Variants in SEMA3D observed in about 807,000 individuals in gnomAD.
The protein encoded by SEMA3D is semaphorin 3D.
In SEMA3D, 84 loss-of-function variants were observed where a neutral mutation model predicts 100.1. The ratio of observed to expected loss-of-function variants is 0.84; its 90% confidence interval spans 0.70 to 1.01. The LOEUF (loss-of-function observed/expected upper bound fraction) is 1.01. Among genes scored for constraint, SEMA3D ranks in the 50% least tolerant of loss-of-function variants. The pLI, the probability that SEMA3D is intolerant of heterozygous loss-of-function variation, is 0.00. For synonymous variants in SEMA3D, 312 were observed against 320.7 expected (o/e 0.97, Z 0.29); for missense variants, 875 against 934.1 (o/e 0.94, Z 0.82).
chr7:85,151,615 G>C, intron 2 of SEMA3D: 1 of 973,322 alleles, frequency 1.0e-6, no homozygotes, highest in Non-Finnish European at 1.2e-6. Flanking sequence ...GTGTGTGTGT[G>C]TGTGTGTGTG....
chr7:85,091,089 AGAGAGAGG>A (rs959317798), intron 4 of SEMA3D, among the ~76,000 whole-genome samples: 8 of 139,402 alleles, frequency 5.7e-5, no homozygotes, highest in African/African-American at 1.7e-4. Flanking sequence ...AGAGAGAGAA[AGAGAGAGG>A]GAGAGAGGGA....
the SEMA3D span, among the ~76,000 whole-genome samples, chr7:85,216,443 C>T: frequency 6.6e-6 from 1 of 151,568 alleles, no homozygotes; most frequent in Non-Finnish European, 1.5e-5. Flanking sequence ...AAATTTCCCA[C>T]TTTACTACAC....
chr7:85,206,978 A>G, the SEMA3D span, among the ~76,000 whole-genome samples: 1 of 152,224 alleles, frequency 6.6e-6, no homozygotes, highest in African/African-American at 2.4e-5. Flanking sequence ...AGATTTAATA[A>G]GGAATTTGAT....
chr7:85,249,864 G>A, the SEMA3D span, among the ~76,000 whole-genome samples: 9 of 152,164 alleles, frequency 5.9e-5, no homozygotes, highest in African/African-American at 1.9e-4. Context: ...TGAGGGAGGA[G>A]CCAAGATGGC....
At chr7:85,229,237 A>C in the SEMA3D span, among the ~76,000 whole-genome samples, 1 of 152,068 alleles carries the variant, frequency 6.6e-6, no homozygotes, top group Admixed American at 6.5e-5. Flanking sequence ...ACTTCAAAAA[A>C]TTATGAGACA....
intron 4 of SEMA3D, among the ~76,000 whole-genome samples, chr7:85,093,321 A>G (rs1788454144): frequency 6.6e-6 from 1 of 151,952 alleles, no homozygotes; most frequent in African/African-American, 2.4e-5. Flanking sequence ...ATTTCTGGCC[A>G]ACGAGATGAA....
chr7:85,136,101 T>C (rs774515562), intron 2 of SEMA3D, among the ~76,000 whole-genome samples: 2 of 152,088 alleles, frequency 1.3e-5, no homozygotes, highest in African/African-American at 2.4e-5. Context: ...TGTAGAGATG[T>C]AGAGATTATT....
At chr7:85,151,994 T>C (rs184912410) in intron 2 of SEMA3D, among the ~76,000 whole-genome samples, 3 of 152,186 alleles carry the variant, frequency 2.0e-5, no homozygotes, top group East Asian at 3.9e-4. Context: ...CTTGACTGAA[T>C]ATATGAAAAA....
At chr7:85,168,985 A>T (rs1042439914) in intron 1 of SEMA3D, among the ~76,000 whole-genome samples, 3 of 151,676 alleles carry the variant, frequency 2.0e-5, no homozygotes, top group African/African-American at 7.2e-5. Flanking sequence ...TAAGAAATTT[A>T]GACAATATCT....
intron 3 of SEMA3D, among the ~76,000 whole-genome samples, chr7:85,100,343 C>T (rs565449219): frequency 1.4e-5 from 2 of 146,906 alleles, no homozygotes; most frequent in Non-Finnish European, 3.0e-5. Context: ...CTCTTTAGGT[C>T]CCAATTCTTT....
At chr7:85,057,957 T>G (rs2116095968) in intron 8 of SEMA3D, among the ~76,000 whole-genome samples, 1 of 152,164 alleles carries the variant, frequency 6.6e-6, no homozygotes, top group South Asian at 2.1e-4. Context: ...AATAAAAAGT[T>G]AACGTTGGAT....
At chr7:85,066,903 C>CACACACACAT (rs1791637715) in intron 7 of SEMA3D, among the ~76,000 whole-genome samples, 1 of 112,514 alleles carries the variant, frequency 8.9e-6, no homozygotes, top group African/African-American at 3.7e-5. Context: ...CACACACACA[C>CACACACACAT]ACACACACAC....
chr7:85,021,379 T>C (rs893909978), intron 13 of SEMA3D, among the ~76,000 whole-genome samples: 5 of 151,758 alleles, frequency 3.3e-5, no homozygotes, highest in Non-Finnish European at 5.9e-5. Flanking sequence ...TGGGAATTAA[T>C]AGCAACTAAT....
chr7:85,054,218 G>A (rs996003606), intron 9 of SEMA3D, among the ~76,000 whole-genome samples: 6 of 151,844 alleles, frequency 4.0e-5, no homozygotes, highest in Non-Finnish European at 8.8e-5. Flanking sequence ...TTGAACTGGT[G>A]CACAAAATAT....
chr7:85,230,568 CT>C, the SEMA3D span, among the ~76,000 whole-genome samples: 1 of 152,148 alleles, frequency 6.6e-6, no homozygotes, highest in Admixed American at 6.5e-5. Context: ...TTTCATTTCC[CT>C]TTTCCTCGAT....
At chr7:85,188,998 T>C (rs1791636616), upstream of SEMA3D, among the ~76,000 whole-genome samples, 2 of 152,220 alleles carry the variant, frequency 1.3e-5, no homozygotes, top group Non-Finnish European at 2.9e-5. Flanking sequence ...CATTGTATTG[T>C]ACTGATTTAG....
chr7:85,131,261 A>C (rs545471436), intron 2 of SEMA3D, among the ~76,000 whole-genome samples: 1 of 152,236 alleles, frequency 6.6e-6, no homozygotes, highest in South Asian at 2.1e-4. Context: ...AAATGAAGAA[A>C]ATAATTTTAA....
intron 1 of SEMA3D, among the ~76,000 whole-genome samples, chr7:85,155,681 T>G (rs750837493): frequency 6.6e-6 from 1 of 152,178 alleles, no homozygotes; most frequent in Non-Finnish European, 1.5e-5. Context: ...CATACATATA[T>G]TCATGTTTTA....
At chr7:85,242,505 T>G in the SEMA3D span, among the ~76,000 whole-genome samples, 1 of 152,218 alleles carries the variant, frequency 6.6e-6, no homozygotes, top group South Asian at 2.1e-4. Context: ...ATCTTTCTGT[T>G]ATTTGTCTCT....
Sources: allele counts gnomAD v4.1 joint callset (sites outside exome capture counted in the v4.1 genomes callset), GRCh38; gene constraint gnomAD v4.1.1; transcripts MANE v1.5; gene names NCBI Gene and HGNC (gene_info 2026-07-23, HGNC 2026-07-21).